Variants in RABGAP1 observed in about 807,000 individuals in gnomAD.
RABGAP1 encodes RAB GTPase activating protein 1.
RABGAP1 carries 23 observed loss-of-function variants against 137.6 expected under a neutral mutation model. That is an observed-to-expected ratio of 0.17 (90% confidence interval 0.12 to 0.24). The LOEUF (loss-of-function observed/expected upper bound fraction) is 0.24. Among genes scored for constraint, RABGAP1 ranks in the 10% least tolerant of loss-of-function variants. The pLI, the probability that RABGAP1 is intolerant of heterozygous loss-of-function variation, is 1.00. For synonymous variants in RABGAP1, 451 were observed against 450.7 expected, an observed-to-expected ratio of 1.00 and a Z score of -0.01; for missense variants, 906 against 1,275.8, an observed-to-expected ratio of 0.71 and a Z score of 4.42.
chr9:122,973,903 C>CGGA (rs1315947819), intron 2 of RABGAP1, among the ~76,000 whole-genome samples: 3 of 151,590 alleles, frequency 2.0e-5, no homozygotes, highest in African/African-American at 7.3e-5. Context: ...CCAGCTACTC[C>CGGA]GGAGGCTGAG....
intron 12 of RABGAP1, among the ~76,000 whole-genome samples, chr9:123,017,235 A>G (rs1258353502): frequency 2.0e-5 from 3 of 152,208 alleles, no homozygotes; most frequent in African/African-American, 4.8e-5. Context: ...TATATTTAAA[A>G]TCATGTAGAT....
chr9:123,056,332 A>G (rs1044543653), intron 13 of RABGAP1, among the ~76,000 whole-genome samples: 1 of 152,236 alleles, frequency 6.6e-6, no homozygotes, highest in Non-Finnish European at 1.5e-5. Context: ...GAAGGAGCAT[A>G]GGACAAGTAT....
At position 122,990,113 on chromosome 9, in the gene RABGAP1, C is replaced by G. The variant is rs1836594113; in HGVS notation, c.823C>G (p.Pro275Ala). The change falls in exon 6 of 26, where the codon CCA becomes GCA. Residue 275 changes from proline to alanine, a missense_variant. By Grantham distance (27) the Pro-to-Ala change is conservative (BLOSUM62 -1). Around this residue, in one of 9 missense-constraint regions of RABGAP1, gnomAD observed 331 missense variants for 358.3 expected, o/e 0.92. Coordinates refer to ENST00000373647, the MANE Select transcript of RABGAP1 (RefSeq NM_012197.4). ...CTTCCGCCGTTCTGCCAAGCAGACC[C>G]CACTTTCAGCCACTGCTGCACCCCA... ...TAFRRSAKQTPLSATAAPQTP... is the reference protein window; with the variant it reads ...TAFRRSAKQTALSATAAPQTP... 6.2e-7 allele frequency: 1 copy of G among 1,610,314 alleles called. No homozygotes were observed. Among genetic ancestry groups the G allele is most frequent in the East Asian group, 2.2e-5 (1 of 44,816 alleles).
intron 13 of RABGAP1, among the ~76,000 whole-genome samples, chr9:123,030,341 G>A (rs1187037919): frequency 1.3e-5 from 2 of 152,136 alleles, no homozygotes; most frequent in African/African-American, 4.8e-5. Context: ...ATATGGTTCT[G>A]AGAGTATATA....
chr9:123,058,702 T>C (rs953531158), intron 13 of RABGAP1, among the ~76,000 whole-genome samples: 13 of 152,364 alleles, frequency 8.5e-5, no homozygotes, highest in East Asian at 3.9e-4. Flanking sequence ...TAGTTTTAAA[T>C]AGAATTACTT....
intron 13 of RABGAP1, among the ~76,000 whole-genome samples, chr9:123,025,536 T>C (rs184045140): frequency 1.5e-4 from 18 of 121,642 alleles, no homozygotes; most frequent in African/African-American, 4.7e-4. Context: ...GTTCAGATCT[T>C]TCTTTTCTTT....
chr9:122,935,739 G>T, the RABGAP1 span, among the ~76,000 whole-genome samples: 7 of 152,194 alleles, frequency 4.6e-5, no homozygotes, highest in Non-Finnish European at 1.0e-4. Flanking sequence ...AGTTGCCAGT[G>T]TATTTGACTT....
intron 24 of RABGAP1, 66 bp downstream of exon 24, chr9:123,099,615 T>G (rs1588417003): frequency 7.3e-7 from 1 of 1,379,226 alleles, no homozygotes; most frequent in Non-Finnish European, 1.0e-6. Flanking sequence ...TATAAACAGG[T>G]TTTGGGAGGA....
At chr9:123,098,836 G>A in intron 23 of RABGAP1, 38 bp downstream of exon 23, 2 of 1,527,148 alleles carry the variant, frequency 1.3e-6, no homozygotes, top group Non-Finnish European at 9.0e-7. Context: ...TGTGTAATCT[G>A]GGAGCCCCTA....
chr9:123,060,672 C>G (rs2033935355), intron 13 of RABGAP1, among the ~76,000 whole-genome samples: 1 of 152,126 alleles, frequency 6.6e-6, no homozygotes, highest in Admixed American at 6.5e-5. Flanking sequence ...TTATTTTAGC[C>G]AGTCTCATGT....
chr9:123,042,368 T>TTC (rs1481645008), intron 13 of RABGAP1, among the ~76,000 whole-genome samples: 1 of 152,158 alleles, frequency 6.6e-6, no homozygotes, highest in Non-Finnish European at 1.5e-5. Flanking sequence ...TGAGAAAAAG[T>TTC]TCTCACATAA....
At chr9:123,097,927 GA>G in intron 22 of RABGAP1, 82 bp downstream of exon 22, 1 of 1,172,088 alleles carries the variant, frequency 8.5e-7, no homozygotes, top group East Asian at 2.5e-5. Context: ...GTTGGCACTA[GA>G]AAACCTAGAG....
chr9:123,102,347 A>C (rs2132254072), intron 25 of RABGAP1, among the ~76,000 whole-genome samples: 1 of 152,286 alleles, frequency 6.6e-6, no homozygotes, highest in East Asian at 1.9e-4. Context: ...CAGCACCACT[A>C]AACCCTAAGC....
intron 13 of RABGAP1, among the ~76,000 whole-genome samples, chr9:123,046,691 A>C (rs534210486): frequency 1.3e-5 from 2 of 152,312 alleles, no homozygotes; most frequent in African/African-American, 4.8e-5. Context: ...CTGTCTTGTG[A>C]ATAGGGTAGT....
intron 13 of RABGAP1, among the ~76,000 whole-genome samples, chr9:123,056,576 GACAA>G (rs1173113637): frequency 1.3e-5 from 2 of 150,214 alleles, no homozygotes; most frequent in Admixed American, 6.6e-5. Context: ...AAGGTCAGCA[GACAA>G]ACAAGTGAAC....
At chr9:122,945,799 A>G (rs1833917749) in intron 1 of RABGAP1, among the ~76,000 whole-genome samples, 1 of 152,200 alleles carries the variant, frequency 6.6e-6, no homozygotes, top group African/African-American at 2.4e-5. Flanking sequence ...ACTTTAACAT[A>G]ATGTTACTAA....
rs138965365 is a variant in RABGAP1, at chr9:122,951,893, C to G, written c.-49-5118C>G. On this transcript the variant is annotated intron_variant, in intron 1 of 25. Coordinates refer to ENST00000373647, the MANE Select transcript of RABGAP1 (RefSeq NM_012197.4). ...TGGCTAATTGTGAATCTTTATTTAG[C>G]AATATGGAGATGCATTTTATGCTGG... Among the ~76,000 whole-genome samples the G allele has an allele frequency of 2.9e-3, 445 of 152,246 alleles. 2 individuals are homozygous for G. The highest frequency in any genetic ancestry group is 0.01 in the African/African-American group (420 of 41,528).
At position 123,065,472 on chromosome 9, in the gene RABGAP1, TC is replaced by T; in HGVS notation, c.1908+12del. 2.0e-6 allele frequency: 3 copies of T among 1,526,102 alleles called. No homozygotes were observed. The highest frequency in any genetic ancestry group is 2.7e-6 in the Non-Finnish European group (3 of 1,109,708). 94.5% of individuals were successfully genotyped at this position (1,526,102 alleles called of 1,614,324 possible). On this transcript the variant is annotated intron_variant, in intron 14 of 25. Transcript: ENST00000373647. The stretch of plus-strand genomic sequence containing the variant: ...TATAAAATATGCAAGGTATTTCATG[TC>T]AAAAAAAAAAAGGACTCAATTCTGA...
rs1455998166 is a variant in RABGAP1, at chr9:123,101,552, A to ACAT, written c.2890-13_2890-11dup. 2.5e-6 allele frequency: 4 copies of ACAT among 1,611,590 alleles called. No individual in the cohort carries two copies. In the South Asian group the frequency reaches 4.4e-5, roughly 18 times the overall value. On this transcript the variant is annotated splice_polypyrimidine_tract_variant and intron_variant, in intron 24 of 25. Transcript: ENST00000373647. ...CCTCTTCTTTGCCTCTTCACATCTAACATTCAATTTCAGCAAAAAGTGGAT... is the reference window on the plus strand; with the variant it reads ...CCTCTTCTTTGCCTCTTCACATCTAACATCATTCAATTTCAGCAAAAAGTGGAT...
Sources: gnomAD v4.1 joint callset for allele counts (sites outside exome capture counted in the v4.1 genomes callset) on GRCh38, gnomAD v4.1.1 for gene constraint, gnomAD v4.1.1 regional missense constraint, MANE v1.5 for transcripts, NCBI Gene and HGNC (gene_info 2026-07-23, HGNC 2026-07-21) for gene names.